Variants in CALCOCO1 observed in about 807,000 individuals in gnomAD.
CALCOCO1 encodes calcium binding and coiled-coil domain 1.
In CALCOCO1, 44 loss-of-function variants were observed where a neutral mutation model predicts 86.3. The ratio of observed to expected loss-of-function variants is 0.51; its 90% CI spans 0.40 to 0.66. The LOEUF is 0.66. Ranked by LOEUF, CALCOCO1 falls within the 30% of genes least tolerant of loss-of-function variation. The probability of loss-of-function intolerance (pLI) is 0.00; values close to 1 mark genes in which losing one functional copy is unlikely to be tolerated. For missense variants in CALCOCO1, 708 were observed against 851.1 expected, an observed-to-expected ratio of 0.83 and a Z score of 2.09; for synonymous variants, 297 against 327.6, an observed-to-expected ratio of 0.91 and a Z score of 1.01.
At chr12:53,721,354 G>A (rs1945860855) in intron 6 of CALCOCO1, 113 bp downstream of exon 6, 1 of 951,976 alleles carries the variant, frequency 1.1e-6, no homozygotes. Flanking sequence ...AGGGTGAGAG[G>A]GAAAGAGAAA....
rs1355498379 is a variant in CALCOCO1, at chr12:53,722,065, G to A, written c.569C>T (p.Thr190Ile). 6.8e-6 allele frequency: 11 copies of A among 1,613,664 alleles called. No individual in the cohort carries two copies. Among genetic ancestry groups the A allele is most frequent in the Non-Finnish European group, 9.3e-6 (11 of 1,180,044 alleles). Residue 190 changes from threonine to isoleucine, a missense_variant, in exon 5 of 15, where the codon ACT becomes ATT. Thr to Ile is a moderately conservative substitution (Grantham distance 89, BLOSUM62 -1). Coordinates refer to ENST00000550804, the MANE Select transcript of CALCOCO1 (RefSeq NM_020898.3). ...CAGCTCCGTGTGCTCCTGCCTGGCA[G>A]TTGCCAGAGCCCTCTCGAGCTCCTG... ...RVQELERALA[T>I]ARQEHTELME...
chr12:53,712,905 G>T, intron 14 of CALCOCO1, 195 bp downstream of exon 14: 3 of 1,427,946 alleles, frequency 2.1e-6, no homozygotes, highest in Non-Finnish European at 1.9e-6. Context: ...ATAAGATAGG[G>T]GTAGGGATTA....
At chr12:53,716,535 C>G in intron 7 of CALCOCO1, 120 bp from the exon 8 acceptor site, 1 of 1,022,378 alleles carries the variant, frequency 9.8e-7, no homozygotes, top group Non-Finnish European at 1.4e-6. Context: ...ACACTCAAGC[C>G]TTCAGCTATT....
chr12:53,712,945 A>G, intron 14 of CALCOCO1, 155 bp downstream of exon 14: 1 of 1,284,364 alleles, frequency 7.8e-7, no homozygotes, highest in Non-Finnish European at 1.1e-6. Context: ...TGGAGCAGTG[A>G]GTCATTTTCC....
At position 53,711,306 on chromosome 12, in the gene CALCOCO1, G is replaced by C; in HGVS notation, c.*638C>G. 1 of 398,284 alleles carries C rather than the reference G, an allele frequency of 2.5e-6. No individual in the cohort carries two copies. Among genetic ancestry groups the C allele is most frequent in the Non-Finnish European group, 4.4e-6 (1 of 225,746 alleles). 24.7% of individuals were successfully genotyped at this position (398,284 alleles called of 1,614,324 possible). A position where few individuals can be genotyped will look rare whatever the true frequency, so the allele number is the denominator to read the frequency against. On this transcript the variant is annotated 3_prime_UTR_variant, in exon 15 of 15. Transcript: ENST00000550804. ...TTCTTTCCATGTGAGGAGATGCGAG[G>C]AGAGGATACAGAATACAGGAATCCT...
rs762022082 is a variant in CALCOCO1 at position 53,723,803 on chromosome 12, C to T, written c.260-20G>A. 2.5e-6 allele frequency: 4 copies of T among 1,606,122 alleles called. No individual in the cohort carries two copies. The highest frequency in any genetic ancestry group is 3.4e-6 in the Non-Finnish European group (4 of 1,174,506). On this transcript the variant is annotated intron_variant, in intron 3 of 14. Coordinates refer to ENST00000550804, the MANE Select transcript of CALCOCO1 (RefSeq NM_020898.3). Reference sequence around the variant, plus strand: ...AGCTGGCTGTGGGAAGAAGAATGGACCCAGGACCCCAATAATCCACTGTCC... The same window carrying T: ...AGCTGGCTGTGGGAAGAAGAATGGATCCAGGACCCCAATAATCCACTGTCC...
chr12:53,723,554 C>T (rs778431330), intron 4 of CALCOCO1, 39 bp downstream of exon 4: 2 of 1,604,732 alleles, frequency 1.2e-6, no homozygotes, highest in Non-Finnish European at 1.7e-6. Context: ...CTGTCTCCCA[C>T]TCCCTTGTCT....
intron 4 of CALCOCO1, chr12:53,722,959 A>AAAAAAAAAAAAAAAAAAAAAAAAAAAC: frequency 2.6e-6 from 1 of 381,864 alleles, no homozygotes; most frequent in African/African-American, 2.2e-5. Context: ...AAAAAAAAAA[A>AAAAAAAAAAAAAAAAAAAAAAAAAAAC]AAGAAAAGAA....
intron 6 of CALCOCO1, among the ~76,000 whole-genome samples, chr12:53,720,360 A>G (rs1945835337): frequency 6.6e-6 from 1 of 152,256 alleles, no homozygotes; most frequent in South Asian, 2.1e-4. Flanking sequence ...AGTTCATACA[A>G]CTTTCACATG....
intron 8 of CALCOCO1, 90 bp downstream of exon 8, chr12:53,716,170 A>G (rs1945720408): frequency 6.3e-7 from 1 of 1,584,448 alleles, no homozygotes; most frequent in East Asian, 2.2e-5. Context: ...GTCTTTAGCC[A>G]TGTCTCTCCC....
chr12:53,713,019 G>T, intron 14 of CALCOCO1, 81 bp downstream of exon 14: 2 of 1,371,074 alleles, frequency 1.5e-6, no homozygotes, highest in Non-Finnish European at 2.1e-6. Context: ...GTTGGGAGCA[G>T]GGCCTGGTGA....
chr12:53,713,637 TG>T, intron 13 of CALCOCO1, 63 bp downstream of exon 13: 1 of 1,405,994 alleles, frequency 7.1e-7, no homozygotes, highest in Non-Finnish European at 9.6e-7. Flanking sequence ...CACTCCAGGC[TG>T]GGACACTTGG....
rs1395738548 is a variant in CALCOCO1 at position 53,711,303 on chromosome 12, G to A, written c.*641C>T. 3.0e-5 allele frequency: 12 copies of A among 398,244 alleles called. No individual in the cohort carries two copies. Among genetic ancestry groups the A allele is most frequent in the East Asian group, 1.1e-4 (3 of 28,066 alleles). The allele number at this position is 398,244 out of a possible 1,614,324, so 24.7% of individuals were successfully genotyped here. A position where few individuals can be genotyped will look rare whatever the true frequency, so the allele number is the denominator to read the frequency against. On this transcript the variant is annotated 3_prime_UTR_variant, in exon 15 of 15. Transcript: ENST00000550804. ...TATTTCTTTCCATGTGAGGAGATGC[G>A]AGGAGAGGATACAGAATACAGGAAT... is the stretch of plus-strand genomic sequence containing the variant.
At chr12:53,721,090 T>A (rs77072296) in intron 6 of CALCOCO1, among the ~76,000 whole-genome samples, 3,204 of 152,322 alleles carry the variant, frequency 0.021, 110 homozygotes, top group African/African-American at 0.073. Context: ...CCAGTTATAA[T>A]GTTTCTTAAT....
In CALCOCO1 at chr12:53,721,537, T is replaced by G; in HGVS notation, c.688A>C (p.Ile230Leu). 1 of 1,613,932 alleles carries G rather than the reference T, an allele frequency of 6.2e-7. No homozygotes were observed. The highest frequency in any genetic ancestry group is 8.5e-7 in the Non-Finnish European group (1 of 1,179,928). ...SRQQGDHVAR[I>L]LELEDDIQTI... ...TGGATGTCATCCTCTAGCTCCAGGATGCGTGCCACATGGTCTCCCTGTTGC... is the reference window on the plus strand; with the variant it reads ...TGGATGTCATCCTCTAGCTCCAGGAGGCGTGCCACATGGTCTCCCTGTTGC... The change falls in exon 6 of 15, where the codon ATC becomes CTC. Residue 230 changes from isoleucine (I) to leucine (L), a missense_variant. Ile to Leu is a conservative substitution (Grantham distance 5). Coordinates refer to ENST00000550804, the MANE Select transcript of CALCOCO1 (RefSeq NM_020898.3).
rs759042384 is a variant in CALCOCO1 at position 53,722,227 on chromosome 12, C to T, written c.451-44G>A. Reference sequence around the variant, plus strand: ...GAAGGGGAGTGTGCTGGTGGAGTACCCCTTCTAAGGTCCCATCCTCACCAC... The same window carrying T: ...GAAGGGGAGTGTGCTGGTGGAGTACTCCTTCTAAGGTCCCATCCTCACCAC... On this transcript the variant is annotated intron_variant, in intron 4 of 14. Transcript: ENST00000550804. The T allele has an allele frequency of 6.2e-6, 10 of 1,605,280 alleles. No homozygotes were observed. The Admixed American group carries it at 1.5e-4, about 24-fold the overall frequency.
chr12:53,719,952 G>A lies in CALCOCO1; in HGVS notation c.759-123C>T, dbSNP rs1182984623. 1.2e-5 allele frequency: 7 copies of A among 582,730 alleles called. No individual in the cohort carries two copies. In the Admixed American group the frequency reaches 1.8e-4, roughly 15 times the overall value. 36.1% of individuals were successfully genotyped at this position (582,730 alleles called of 1,614,324 possible). A position where few individuals can be genotyped will look rare whatever the true frequency, so the allele number is the denominator to read the frequency against. The stretch of plus-strand genomic sequence containing the variant: ...CCAGAGCTCCATTTCACTCTGGGAT[G>A]CATAAATCCCCAAGCCAGCTGATCC... On this transcript the variant is annotated intron_variant, in intron 6 of 14. Transcript: ENST00000550804.
chr12:53,718,731 C>T (rs554313358), intron 7 of CALCOCO1, among the ~76,000 whole-genome samples: 6 of 151,948 alleles, frequency 3.9e-5, no homozygotes, highest in Admixed American at 1.3e-4. Flanking sequence ...GGTCTCACTA[C>T]GTTGCCCAGG....
At position 53,711,519 on chromosome 12, in the gene CALCOCO1, C is replaced by A. The variant is rs918045475; in HGVS notation, c.*425G>T. On this transcript the variant is annotated 3_prime_UTR_variant, in exon 15 of 15. Transcript: ENST00000550804. ...CCCAGAGAAAACTCAGGTAAACCAACGGAAACTCCAAATAAGAGAGGGTAG... is the reference window on the plus strand; with the variant it reads ...CCCAGAGAAAACTCAGGTAAACCAAAGGAAACTCCAAATAAGAGAGGGTAG... 3.1e-6 allele frequency: 1 copy of A among 324,300 alleles called. No homozygotes were observed. Among genetic ancestry groups the A allele is most frequent in the Non-Finnish European group, 5.5e-6 (1 of 180,252 alleles). 20.1% of individuals were successfully genotyped at this position (324,300 alleles called of 1,614,324 possible).
Sources: allele counts gnomAD v4.1 joint callset (sites outside exome capture counted in the v4.1 genomes callset), GRCh38; gene constraint gnomAD v4.1.1; transcripts MANE v1.5; gene names NCBI Gene and HGNC (gene_info 2026-07-23, HGNC 2026-07-21).